LILRA5: variants seen among roughly 807,000 people sequenced by gnomAD.
LILRA5 encodes the protein leukocyte immunoglobulin like receptor A5, also known as leukocyte immunoglobulin-like receptor subfamily A member 5.
LILRA5 carries 31 observed loss-of-function variants against 36.3 expected under a neutral mutation model. The observed-to-expected ratio is 0.85, with a 90% CI of 0.64 to 1.15. The LOEUF (loss-of-function observed/expected upper bound fraction) is 1.15, where lower values mean the gene tolerates loss of function less well. Among genes scored for constraint, LILRA5 ranks in the 50% most tolerant of loss-of-function variants. The pLI, the probability that LILRA5 is intolerant of heterozygous loss-of-function variation, is 0.00. For missense variants in LILRA5, 348 were observed against 377.4 expected (o/e 0.92, Z 0.64); for synonymous variants, 144 against 144.8 (o/e 0.99, Z 0.04).
rs557902215 is a variant in LILRA5, at chr19:54,308,991, G to A, written c.713-1243C>T. 5.3e-4 allele frequency: 80 copies of A among 151,708 alleles called. 1 individual carries two copies. Among genetic ancestry groups the A allele is most frequent in the Admixed American group, 2.2e-3 (34 of 15,234 alleles). 9.4% of individuals were successfully genotyped at this position (151,708 alleles called of 1,614,324 possible). On this transcript the variant is annotated intron_variant, in intron 5 of 6. Coordinates refer to ENST00000432233, the MANE Select transcript of LILRA5 (RefSeq NM_021250.4). ...CTTGAAGTGACAAAAATTGATATGC[G>A]GTTTAGAAATAAAAAATAAAATTTC...
intron 5 of LILRA5, chr19:54,308,323 G>T (rs2080923454): frequency 2.5e-5 from 1 of 39,778 alleles, no homozygotes; most frequent in African/African-American, 1.8e-4. Flanking sequence ...ATGTGTGTGT[G>T]TGTGTGTGTG....
chr19:54,312,616 T>TG lies in LILRA5; in HGVS notation c.8dup (p.Trp4MetfsTer49), dbSNP rs753583012. 1 of 1,614,104 alleles carries TG rather than the reference T, an allele frequency of 6.2e-7. No individual in the cohort carries two copies. The highest frequency in any genetic ancestry group is 1.3e-5 in the African/African-American group (1 of 75,036). ...GCAGCTGTGCAGATGGATGAGACCATGGTGCCTGGCAGGACAGAGAGACAC... is the reference window on the plus strand; with the variant it reads ...GCAGCTGTGCAGATGGATGAGACCATGGGTGCCTGGCAGGACAGAGAGACAC... On this transcript the variant is annotated frameshift_variant, in exon 2 of 7. Coordinates refer to ENST00000432233, the MANE Select transcript of LILRA5 (RefSeq NM_021250.4). LOFTEE classifies it high-confidence loss of function.
rs377361658 is a variant in LILRA5 at position 54,307,389 on chromosome 19, A to G, written c.*24T>C. On this transcript the variant is annotated 3_prime_UTR_variant, in exon 7 of 7. Transcript: ENST00000432233. ...TTCGCTTCCAAGGCTCCAGCATTCA[A>G]TGGTGCATTGTTCTCTCTTCTGTTC... is the stretch of plus-strand genomic sequence containing the variant. The G allele has an allele frequency of 3.8e-6, 6 of 1,586,928 alleles. No individual in the cohort carries two copies. In the African/African-American group the frequency reaches 5.4e-5, roughly 14 times the overall value.
intron 3 of LILRA5, 41 bp from the exon 4 acceptor site, chr19:54,312,189 C>T (rs778974787): frequency 5.6e-6 from 9 of 1,610,688 alleles, no homozygotes; most frequent in South Asian, 2.2e-5. Flanking sequence ...ACCTCCCCAC[C>T]CCTCAGATCC....
Position 54,311,447 on chromosome 19 carries a change from C to T in LILRA5, c.679G>A (p.Glu227Lys), listed in dbSNP as rs1569143257. 1 of 1,614,190 alleles carries T rather than the reference C, an allele frequency of 6.2e-7. No homozygotes were observed. The highest frequency in any genetic ancestry group is 8.5e-7 in the Non-Finnish European group (1 of 1,180,032). Residue 227 changes from glutamate to lysine, a missense_variant, in exon 5 of 7, where the codon GAA becomes AAA. Transcript: ENST00000432233. ...SRRHILQVWS[E>K]PSDLLEIPVS... ...GGAATCTCCAGGAGGTCACTGGGTT[C>T]TGACCATACCTGCAGGATATGCCTG...
At chr19:54,307,591 T>G in intron 6 of LILRA5, 42 bp from the exon 7 acceptor site, 1 of 1,613,756 alleles carries the variant, frequency 6.2e-7, no homozygotes. Flanking sequence ...TCAGGGCAGA[T>G]CAGTATCACC....
intron 5 of LILRA5, chr19:54,309,187 G>A (rs2080959602): frequency 6.6e-6 from 1 of 152,122 alleles, no homozygotes; most frequent in South Asian, 2.1e-4. Context: ...GAATCAGGCT[G>A]GGCATGGTGG....
At chr19:54,307,658 T>A in intron 6 of LILRA5, 40 bp downstream of exon 6, 1 of 1,612,880 alleles carries the variant, frequency 6.2e-7, no homozygotes, top group Non-Finnish European at 8.5e-7. Flanking sequence ...GACCTGACCC[T>A]CTGTGCCAGT....
intron 5 of LILRA5, chr19:54,309,795 CAGA>C (rs1194754711): frequency 6.6e-6 from 1 of 152,600 alleles, no homozygotes; most frequent in East Asian, 1.9e-4. Context: ...TTAAAAGATT[CAGA>C]AGAAGAGAGA....
At position 54,311,535 on chromosome 19, in the gene LILRA5, G is replaced by A. The variant is rs763911637; in HGVS notation, c.591C>T (p.Ala197=). ...SQLTPSGQFQ[A]LFPVGPVTPS... Reference sequence around the variant, plus strand: ...GGGTCACAGGGCCCACAGGGAACAGGGCCTGGAACTGCCCACTGGGGGTCA... The same window carrying A: ...GGGTCACAGGGCCCACAGGGAACAGAGCCTGGAACTGCCCACTGGGGGTCA... Residue 197 remains alanine (A), a synonymous_variant, in exon 5 of 7, where the codon GCC becomes GCT. Transcript: ENST00000432233. 4 of 1,614,044 alleles carry A rather than the reference G, an allele frequency of 2.5e-6. No homozygotes were observed. The highest frequency in any genetic ancestry group is 2.7e-5 in the African/African-American group (2 of 74,916).
Position 54,307,153 on chromosome 19 carries a change from A to G in LILRA5, c.*260T>C. The G allele has an allele frequency of 3.6e-6, 1 of 278,796 alleles. No individual in the cohort carries two copies. The highest frequency in any genetic ancestry group is 6.6e-6 in the Non-Finnish European group (1 of 150,924). 17.3% of individuals were successfully genotyped at this position (278,796 alleles called of 1,614,324 possible). A position where few individuals can be genotyped will look rare whatever the true frequency, so the allele number is the denominator to read the frequency against. ...AGAAATTGCCAGAGGCTGAGGCAGG[A>G]GAATCACTTGAACCCGAGAGGCGGA... On this transcript the variant is annotated 3_prime_UTR_variant, in exon 7 of 7. Coordinates refer to ENST00000432233, the MANE Select transcript of LILRA5 (RefSeq NM_021250.4).
intron 3 of LILRA5, 33 bp from the exon 4 acceptor site, chr19:54,312,181 C>A (rs2081036411): frequency 6.2e-7 from 1 of 1,611,356 alleles, no homozygotes; most frequent in Non-Finnish European, 8.5e-7. Flanking sequence ...GCTCCAAGAC[C>A]TCCCCACCCC....
At chr19:54,310,056 C>T in intron 5 of LILRA5, 1 of 305,060 alleles carries the variant, frequency 3.3e-6, no homozygotes, top group Admixed American at 4.2e-5. Flanking sequence ...CGTCAGATCC[C>T]ACCGAGGCCT....
rs757537182 is a variant in LILRA5, at chr19:54,307,539, A to AAGGTGTG, written c.767_773dup (p.Gln259ThrfsTer140). The AAGGTGTG allele has an allele frequency of 6.2e-7, 1 of 1,613,922 alleles. No individual in the cohort carries two copies. The highest frequency in any genetic ancestry group is 1.7e-5 in the Admixed American group (1 of 60,004). ...TGAGATTCTCTACTGCGTAATCCTG[A>AAGGTGTG]AGGTGTGAGGCTGGGGATGGTGGAC... On this transcript the variant is annotated frameshift_variant, in exon 7 of 7. Transcript: ENST00000432233. LOFTEE classifies it high-confidence loss of function.
chr19:54,313,014 T>C lies in LILRA5; in HGVS notation c.3+3A>G. On this transcript the variant is annotated splice_donor_region_variant and intron_variant, in intron 1 of 6. Coordinates refer to ENST00000432233, the MANE Select transcript of LILRA5 (RefSeq NM_021250.4). ...CATGAGCTCAGCGTTGCGGGGTCCT[T>C]ACCATGGTCAGTGATTTTTCAGCCC... 2 of 1,614,026 alleles carry C rather than the reference T, an allele frequency of 1.2e-6. No homozygotes were observed. The highest frequency in any genetic ancestry group is 8.5e-7 in the Non-Finnish European group (1 of 1,179,990).
intron 5 of LILRA5, chr19:54,310,190 C>G (rs2080981001): frequency 6.0e-6 from 1 of 166,694 alleles, no homozygotes; most frequent in South Asian, 1.2e-4. Flanking sequence ...CGTCTGTCCT[C>G]TCTCCAACTC....
In LILRA5 at chr19:54,312,312, G is replaced by C. The variant is rs772886019; in HGVS notation, c.124+23C>G. On this transcript the variant is annotated intron_variant, in intron 3 of 6. Transcript: ENST00000432233. ...TGTCCCCATTGAGGAGGAGGGACCT[G>C]GGACAGCTGGGGACAGACTCACCTG... 9.9e-6 allele frequency: 16 copies of C among 1,614,080 alleles called. No individual in the cohort carries two copies. In the East Asian group the frequency reaches 3.1e-4, roughly 31 times the overall value.
In LILRA5 at chr19:54,312,131, T is replaced by A; in HGVS notation, c.142A>T (p.Thr48Ser). Residue 48 changes from threonine to serine, a missense_variant, in exon 4 of 7, where the codon ACC becomes TCC. Transcript: ENST00000432233. ...HVQAGNLSKA[T>S]LWAEPGSVIS... ...ACAGAGCCTGGCTCAGCCCAGAGGGTGGCTTTGGAGAGGTTCCCTGGAAGG... is the reference window on the plus strand; with the variant it reads ...ACAGAGCCTGGCTCAGCCCAGAGGGAGGCTTTGGAGAGGTTCCCTGGAAGG... 1 of 1,613,794 alleles carries A rather than the reference T, an allele frequency of 6.2e-7. No homozygotes were observed. The highest frequency in any genetic ancestry group is 1.3e-5 in the African/African-American group (1 of 74,918).
rs1444481047 is a variant in LILRA5, at chr19:54,307,566, AAG to A, written c.764-19_764-18del. 4 of 1,613,940 alleles carry A rather than the reference AAG, an allele frequency of 2.5e-6. No homozygotes were observed. Among genetic ancestry groups the A allele is most frequent in the South Asian group, 2.2e-5 (2 of 91,058 alleles). On this transcript the variant is annotated intron_variant, in intron 6 of 6. Coordinates refer to ENST00000432233, the MANE Select transcript of LILRA5 (RefSeq NM_021250.4). ...GGTGTGAGGCTGGGGATGGTGGACA[AAG>A]AGGTCACAGAGGTCAGGGCAGATCA...
Sources: gnomAD v4.1 joint callset for allele counts on GRCh38, gnomAD v4.1.1 for gene constraint, MANE v1.5 for transcripts, NCBI Gene and HGNC (gene_info 2026-07-23, HGNC 2026-07-21) for gene names.